TECRL: variants seen among roughly 807,000 people sequenced by gnomAD.
The protein encoded by TECRL is trans-2,3-enoyl-CoA reductase like, also known as trans-2,3-enoyl-CoA reductase-like.
In TECRL, 63 loss-of-function variants were observed where a neutral mutation model predicts 52.8. That is an observed-to-expected ratio of 1.19 (90% CI 0.97 to 1.47). TECRL has a LOEUF of 1.47. Ranked by LOEUF, TECRL falls within the 40% of genes most tolerant of loss-of-function variation. The pLI is 0.00. For synonymous variants in TECRL, 164 were observed against 141.9 expected, an observed-to-expected ratio of 1.16 and a Z score of -1.10; for missense variants, 482 against 429.6, an observed-to-expected ratio of 1.12 and a Z score of -1.08.
At chr4:64,366,159 C>T (rs1395365298) in intron 2 of TECRL, among the ~76,000 whole-genome samples, 1 of 152,028 alleles carries the variant, frequency 6.6e-6, no homozygotes, top group Non-Finnish European at 1.5e-5. Context: ...CAATAAACGG[C>T]ACATGGATAA....
At chr4:64,340,245 A>G (rs1012798182) in intron 2 of TECRL, among the ~76,000 whole-genome samples, 1 of 152,048 alleles carries the variant, frequency 6.6e-6, no homozygotes, top group Non-Finnish European at 1.5e-5. Flanking sequence ...AGCCATCCAA[A>G]CTGTGGCTGC....
chr4:64,335,572 C>T (rs898739795), intron 2 of TECRL, among the ~76,000 whole-genome samples: 3 of 152,114 alleles, frequency 2.0e-5, no homozygotes, highest in East Asian at 3.9e-4. Flanking sequence ...GGAGAAATTG[C>T]CTTCCATGAA....
chr4:64,345,292 G>C (rs1719873652), intron 2 of TECRL, among the ~76,000 whole-genome samples: 1 of 152,006 alleles, frequency 6.6e-6, no homozygotes, highest in Non-Finnish European at 1.5e-5. Flanking sequence ...CAAAGACTTA[G>C]AACCAACCCA....
chr4:64,364,366 G>C (rs886568042), intron 2 of TECRL, among the ~76,000 whole-genome samples: 1 of 151,962 alleles, frequency 6.6e-6, no homozygotes, highest in African/African-American at 2.4e-5. Context: ...AAAAGTAGTA[G>C]CAAACCATCC....
intron 4 of TECRL, among the ~76,000 whole-genome samples, chr4:64,317,977 A>T (rs1717623505): frequency 6.6e-6 from 1 of 152,172 alleles, no homozygotes; most frequent in Non-Finnish European, 1.5e-5. Flanking sequence ...GTGGCCTCAT[A>T]AAACTGTCTC....
Position 64,351,509 on chromosome 4 carries a change from G to T in TECRL, c.287-22953C>A, listed in dbSNP as rs191255191. Among the ~76,000 whole-genome samples, 338 of 146,892 alleles carry T rather than the reference G, an allele frequency of 2.3e-3. 4 individuals are homozygous for T. The highest frequency in any genetic ancestry group is 7.6e-3 in the African/African-American group (306 of 40,468). Reference sequence around the variant, plus strand: ...GGCTGGTCTCAACTCCTGGACTTAAGTGATCCTCCCACCTCAGCCTCCCAA... The same window carrying T: ...GGCTGGTCTCAACTCCTGGACTTAATTGATCCTCCCACCTCAGCCTCCCAA... On this transcript the variant is annotated intron_variant, in intron 2 of 11. Coordinates refer to ENST00000381210, the MANE Select transcript of TECRL (RefSeq NM_001010874.5).
intron 1 of TECRL, among the ~76,000 whole-genome samples, chr4:64,385,970 C>T (rs187888951): frequency 1.4e-4 from 21 of 152,232 alleles, no homozygotes; most frequent in Admixed American, 8.5e-4. Context: ...CACTTTCCTG[C>T]TCAATTTCAG....
intron 2 of TECRL, among the ~76,000 whole-genome samples, chr4:64,366,038 A>G (rs1272837237): frequency 6.6e-6 from 1 of 152,246 alleles, no homozygotes; most frequent in South Asian, 2.1e-4. Context: ...AAACAGACAC[A>G]TAGATCAATG....
chr4:64,293,726 A>G (rs1053603855), intron 8 of TECRL, among the ~76,000 whole-genome samples: 6 of 151,980 alleles, frequency 3.9e-5, no homozygotes, highest in African/African-American at 1.2e-4. Flanking sequence ...AAAATGATGT[A>G]TCAATAGAAC....
chr4:64,374,533 G>A (rs1477065682), intron 2 of TECRL, among the ~76,000 whole-genome samples: 1 of 151,880 alleles, frequency 6.6e-6, no homozygotes, highest in Non-Finnish European at 1.5e-5. Context: ...TTAGAATTAG[G>A]TATATCTCCT....
chr4:64,325,976 A>AGG (rs1718234351), intron 3 of TECRL, among the ~76,000 whole-genome samples: 3 of 152,136 alleles, frequency 2.0e-5, no homozygotes, highest in African/African-American at 7.2e-5. Context: ...GGAGAGGAAT[A>AGG]TATAGGGCCA....
chr4:64,392,027 T>A (rs1723583029), intron 1 of TECRL, among the ~76,000 whole-genome samples: 1 of 151,882 alleles, frequency 6.6e-6, no homozygotes, highest in South Asian at 2.1e-4. Flanking sequence ...CATGCTTATT[T>A]TCTACACATA....
chr4:64,371,092 A>T (rs1015943521), intron 2 of TECRL, among the ~76,000 whole-genome samples: 2 of 151,844 alleles, frequency 1.3e-5, no homozygotes, highest in East Asian at 1.9e-4. Flanking sequence ...GTGGTCATCC[A>T]TTATAACTGA....
chr4:64,409,051 C>G, intron 1 of TECRL, 67 bp downstream of exon 1: 1 of 1,312,370 alleles, frequency 7.6e-7, no homozygotes, highest in Non-Finnish European at 1.0e-6. Flanking sequence ...ATCAAGCAAT[C>G]AATAATATTT....
chr4:64,322,911 G>A, intron 3 of TECRL, 119 bp from the exon 4 acceptor site: 1 of 723,290 alleles, frequency 1.4e-6, no homozygotes, highest in Non-Finnish European at 2.2e-6. Context: ...AAATTACAAT[G>A]TACAAGAAAT....
intron 7 of TECRL, among the ~76,000 whole-genome samples, chr4:64,303,418 A>G (rs1219654500): frequency 6.6e-6 from 1 of 151,700 alleles, no homozygotes; most frequent in East Asian, 1.9e-4. Flanking sequence ...ATTTTTGTGA[A>G]GGGGATCTCC....
chr4:64,346,628 C>T (rs1379789773), intron 2 of TECRL, among the ~76,000 whole-genome samples: 1 of 152,254 alleles, frequency 6.6e-6, no homozygotes, highest in Non-Finnish European at 1.5e-5. Flanking sequence ...TGAGACTGCA[C>T]AGATCAGGGG....
At chr4:64,389,637 A>G (rs2109741856) in intron 1 of TECRL, among the ~76,000 whole-genome samples, 1 of 152,008 alleles carries the variant, frequency 6.6e-6, no homozygotes, top group Non-Finnish European at 1.5e-5. Flanking sequence ...AGAGTGAGTT[A>G]GGAAATATTG....
At chr4:64,372,751 A>AT (rs915140064) in intron 2 of TECRL, among the ~76,000 whole-genome samples, 225 of 149,588 alleles carry the variant, frequency 1.5e-3, no homozygotes, top group African/African-American at 4.9e-3. Flanking sequence ...CTGATAACAT[A>AT]TTTTTTTTTT....
Sources: allele counts gnomAD v4.1 joint callset (sites outside exome capture counted in the v4.1 genomes callset), GRCh38; gene constraint gnomAD v4.1.1; transcripts MANE v1.5; gene names NCBI Gene and HGNC (gene_info 2026-07-23, HGNC 2026-07-21).